Variants in DCHS2 observed in about 807,000 individuals in gnomAD.
The protein encoded by DCHS2 is protocadherin-23.
A neutral mutation model predicts 182.4 loss-of-function variants in DCHS2; 142 were observed. The observed-to-expected ratio is 0.78, with a 90% CI of 0.68 to 0.89. The LOEUF (loss-of-function observed/expected upper bound fraction) is 0.89, where lower values mean the gene tolerates loss of function less well. Among genes scored for constraint, DCHS2 ranks in the 40% least tolerant of loss-of-function variants. The pLI, the probability that DCHS2 is intolerant of heterozygous loss-of-function variation, is 0.00. For synonymous variants in DCHS2, 1,740 were observed against 1,663.3 expected, an observed-to-expected ratio of 1.05 and a Z score of -1.12; for missense variants, 4,319 against 4,198.6, an observed-to-expected ratio of 1.03 and a Z score of -0.79.
At chr4:154,362,101 TA>T (rs944674736) in intron 3 of DCHS2, among the ~76,000 whole-genome samples, 11 of 152,154 alleles carry the variant, frequency 7.2e-5, no homozygotes, top group African/African-American at 2.7e-4. Context: ...GAACTTAGGA[TA>T]AAAAGGAAGA....
Position 154,236,104 on chromosome 4 carries a change from G to C in DCHS2, c.8548C>G (p.Leu2850Val). Residue 2850 changes from leucine to valine, a missense_variant, in exon 20 of 20, where the codon CTC (leucine) becomes GTC (valine). Leu to Val is a conservative substitution (Grantham distance 32, BLOSUM62 1). Coordinates refer to ENST00000357232, the MANE Select transcript of DCHS2 (RefSeq NM_001358235.2). ...LDYENGNKYC[L>V]TVQAKDKGDA... is the part of the protein sequence containing the mutation. ...CCTTTGTCTTTGGCTTGGACTGTGA[G>C]GCAGTATTTATTGCCATTTTCATAG... is the stretch of plus-strand genomic sequence containing the variant. 6.2e-7 allele frequency: 1 copy of C among 1,613,682 alleles called. No individual in the cohort carries two copies. The highest frequency in any genetic ancestry group is 1.1e-5 in the South Asian group (1 of 91,064).
chr4:154,374,891 C>T (rs533447498), intron 2 of DCHS2, among the ~76,000 whole-genome samples: 9 of 152,160 alleles, frequency 5.9e-5, no homozygotes, highest in Admixed American at 6.5e-5. Flanking sequence ...AAGCGCAGAA[C>T]GGTGTGTATA....
intron 13 of DCHS2, among the ~76,000 whole-genome samples, chr4:154,296,877 G>A (rs1427504469): frequency 2.6e-5 from 4 of 152,168 alleles, no homozygotes; most frequent in Admixed American, 2.0e-4. Flanking sequence ...AATTGCAGGC[G>A]TATTTGGGGA....
At chr4:154,403,441 G>A (rs928635552) in intron 1 of DCHS2, among the ~76,000 whole-genome samples, 2 of 151,954 alleles carry the variant, frequency 1.3e-5, no homozygotes, top group African/African-American at 2.4e-5. Flanking sequence ...TTCTAGTAAT[G>A]TGGCTAATTT....
chr4:154,283,437 AT>A (rs900659795), intron 13 of DCHS2, among the ~76,000 whole-genome samples: 2 of 145,332 alleles, frequency 1.4e-5, no homozygotes, highest in Non-Finnish European at 3.0e-5. Flanking sequence ...AAAACTGCTT[AT>A]TTTTTTATAA....
At chr4:154,473,022 C>A (rs1008504979) in intron 1 of DCHS2, among the ~76,000 whole-genome samples, 2 of 152,140 alleles carry the variant, frequency 1.3e-5, no homozygotes, top group African/African-American at 4.8e-5. Flanking sequence ...ATGGGAGTGT[C>A]CAGGGCCTAG....
chr4:154,379,314 C>T (rs529738904), intron 1 of DCHS2, among the ~76,000 whole-genome samples: 1 of 152,296 alleles, frequency 6.6e-6, no homozygotes, highest in African/African-American at 2.4e-5. Context: ...AAGCCGTGCT[C>T]AGCTCACATT....
chr4:154,423,453 T>TA (rs1286627951), intron 1 of DCHS2, among the ~76,000 whole-genome samples: 1 of 152,238 alleles, frequency 6.6e-6, no homozygotes, highest in East Asian at 1.9e-4. Flanking sequence ...TGCTAAAATG[T>TA]AAGTCCTACA....
At chr4:154,368,593 C>T (rs1409612439) in intron 2 of DCHS2, among the ~76,000 whole-genome samples, 3 of 151,824 alleles carry the variant, frequency 2.0e-5, no homozygotes, top group Middle Eastern at 3.4e-3. Context: ...CTTGGCTCAC[C>T]GCAACCTGCG....
intron 1 of DCHS2, among the ~76,000 whole-genome samples, chr4:154,402,359 C>T (rs937647637): frequency 1.3e-5 from 2 of 152,074 alleles, no homozygotes; most frequent in Admixed American, 1.3e-4. Flanking sequence ...GTCCTAGATC[C>T]ACTATATTAC....
Position 154,489,496 on chromosome 4 carries a change from A to G in DCHS2, c.1860T>C (p.Thr620=). Residue 620 remains threonine (T), a synonymous_variant, in exon 1 of 20, where the codon ACT becomes ACC. Transcript: ENST00000357232. ...CCGCCTCCTGGACCTCTCGGTCTAGAGTCCGGATAGTGCTGATCGCACCGC... is the reference window on the plus strand; with the variant it reads ...CCGCCTCCTGGACCTCTCGGTCTAGGGTCCGGATAGTGCTGATCGCACCGC... ...SESGAISTIR[T]LDREVQEAVE... is the part of the protein sequence containing the mutation. 1.9e-6 allele frequency: 3 copies of G among 1,551,654 alleles called. No individual in the cohort carries two copies. Among genetic ancestry groups the G allele is most frequent in the Non-Finnish European group, 2.6e-6 (3 of 1,146,970 alleles).
chr4:154,381,725 C>T lies in DCHS2; in HGVS notation c.2053-4281G>A, dbSNP rs182281633. Among the ~76,000 whole-genome samples the T allele has an allele frequency of 1.6e-4, 24 of 152,070 alleles. No homozygotes were observed. The East Asian group carries it at 4.6e-3, about 29-fold the overall frequency. On this transcript the variant is annotated intron_variant, in intron 1 of 19. Coordinates refer to ENST00000357232, the MANE Select transcript of DCHS2 (RefSeq NM_001358235.2). ...TAAAATACCTAGGAATAAATCTAAC[C>T]AAGGAGGTAAAAGATCTCTACAAGG... is the stretch of plus-strand genomic sequence containing the variant.
chr4:154,429,811 C>T (rs1182984766), intron 1 of DCHS2, among the ~76,000 whole-genome samples: 1 of 152,086 alleles, frequency 6.6e-6, no homozygotes, highest in Non-Finnish European at 1.5e-5. Flanking sequence ...AGTGAGTAGC[C>T]ACGACTCTGG....
chr4:154,282,871 C>T (rs12510539), intron 13 of DCHS2, among the ~76,000 whole-genome samples: 1 of 151,994 alleles, frequency 6.6e-6, no homozygotes, highest in South Asian at 2.1e-4. Context: ...AATGAAAATC[C>T]TGTTATATGC....
chr4:154,308,696 T>C (rs1463678885), intron 10 of DCHS2, among the ~76,000 whole-genome samples: 1 of 152,206 alleles, frequency 6.6e-6, no homozygotes, highest in Non-Finnish European at 1.5e-5. Flanking sequence ...AGGTATATAG[T>C]TTGTCATTAA....
intron 18 of DCHS2, among the ~76,000 whole-genome samples, chr4:154,239,789 A>G (rs530743849): frequency 6.6e-6 from 1 of 152,286 alleles, no homozygotes; most frequent in African/African-American, 2.4e-5. Context: ...GATTACAGGT[A>G]TGAGCCACCA....
intron 1 of DCHS2, among the ~76,000 whole-genome samples, chr4:154,478,862 T>C (rs1304136988): frequency 6.6e-6 from 1 of 152,174 alleles, no homozygotes; most frequent in African/African-American, 2.4e-5. Context: ...ACATCAACAT[T>C]ATTCAGAAGA....
chr4:154,245,295 A>G lies in DCHS2; in HGVS notation c.6942-2523T>C, dbSNP rs17031296. 5.8e-3 allele frequency among the ~76,000 whole-genome samples: 890 copies of G among 152,216 alleles called. 14 individuals are homozygous for G. Among genetic ancestry groups the G allele is most frequent in the African/African-American group, 0.02 (835 of 41,536 alleles). ...TTCCACAACTGTTGCCCTGATTACT[A>G]TTATCACTACAGACAATAAATGAAA... On this transcript the variant is annotated intron_variant, in intron 16 of 19. Coordinates refer to ENST00000357232, the MANE Select transcript of DCHS2 (RefSeq NM_001358235.2).
In DCHS2 at chr4:154,320,654, G is replaced by T; in HGVS notation, c.4745C>A (p.Thr1582Asn). The change falls in exon 9 of 20, where the codon ACT becomes AAT. Residue 1582 changes from threonine to asparagine, a missense_variant. Transcript: ENST00000357232. ...VSRLDRESIP[T>N]VILTVTASDQ... Reference sequence around the variant, plus strand: ...AGATGCTGTTACTGTCAGGATGACAGTTGGAATGCTTTCTCTGTCAAGACG... The same window carrying T: ...AGATGCTGTTACTGTCAGGATGACATTTGGAATGCTTTCTCTGTCAAGACG... 1.2e-6 allele frequency: 2 copies of T among 1,614,160 alleles called. No individual in the cohort carries two copies. The highest frequency in any genetic ancestry group is 1.7e-6 in the Non-Finnish European group (2 of 1,180,032).
Sources: allele counts gnomAD v4.1 joint callset (sites outside exome capture counted in the v4.1 genomes callset), GRCh38; gene constraint gnomAD v4.1.1; transcripts MANE v1.5; gene names NCBI Gene and HGNC (gene_info 2026-07-23, HGNC 2026-07-21).